The following PDE10A variants were observed in gnomAD, a reference collection of about 807,000 sequenced individuals.
The protein encoded by PDE10A is phosphodiesterase 10A.
In PDE10A, 39 loss-of-function variants were observed where a neutral mutation model predicts 97.7. The observed-to-expected ratio is 0.40, with a 90% CI of 0.31 to 0.52. PDE10A has a LOEUF of 0.52. Among genes scored for constraint, PDE10A ranks in the 20% least tolerant of loss-of-function variants. The pLI is 0.56. For missense variants in PDE10A, 731 were observed against 1,047.8 expected (o/e 0.70, Z 4.17); for synonymous variants, 371 against 376.8 (o/e 0.98, Z 0.18).
In PDE10A at chr6:165,564,416, C is replaced by T. The variant is rs11968002; in HGVS notation, c.866-20848G>A. Among the ~76,000 whole-genome samples, 889 of 150,700 alleles carry T rather than the reference C, an allele frequency of 5.9e-3. 9 individuals are homozygous for T. The highest frequency in any genetic ancestry group is 0.019 in the African/African-American group (763 of 40,172). ...TTTGACAATCTTGGTTAGACAACAA[C>T]GAAATGTTGTTGAAAACATCTTCTT... On this transcript the variant is annotated intron_variant, in intron 1 of 21. Coordinates refer to ENST00000539869, the MANE Select transcript of PDE10A (RefSeq NM_001385079.1).
At chr6:165,758,611 A>T (rs1000195716) in intron 1 of PDE10A, among the ~76,000 whole-genome samples, 6 of 151,652 alleles carry the variant, frequency 4.0e-5, no homozygotes, top group Non-Finnish European at 5.9e-5. Context: ...CAGCAGAAGA[A>T]GCAGCAGAAG....
intron 1 of PDE10A, among the ~76,000 whole-genome samples, chr6:165,675,095 T>A (rs572663684): frequency 2.6e-5 from 4 of 152,330 alleles, no homozygotes; most frequent in African/African-American, 9.6e-5. Flanking sequence ...CGCAATAATT[T>A]AATACTAGAA....
chr6:165,392,514 T>C (rs62443762), intron 16 of PDE10A, 132 bp downstream of exon 16: 13,777 of 692,252 alleles, frequency 0.02, 168 homozygotes, highest in Middle Eastern at 0.079. Flanking sequence ...AAAAATGGGC[T>C]ACTATTGATT....
intron 1 of PDE10A, among the ~76,000 whole-genome samples, chr6:165,552,768 T>C (rs192780966): frequency 1.8e-4 from 28 of 152,274 alleles, no homozygotes; most frequent in Admixed American, 1.5e-3. Flanking sequence ...GTCCTGTGAG[T>C]ACTTCCAGCA....
chr6:165,693,391 C>T (rs569548008), intron 1 of PDE10A, among the ~76,000 whole-genome samples: 17 of 151,772 alleles, frequency 1.1e-4, no homozygotes, highest in Non-Finnish European at 1.8e-4. Flanking sequence ...ATTTGCTGGG[C>T]GTGGTGGTGG....
At chr6:165,413,999 C>T (rs1248506489) in intron 12 of PDE10A, among the ~76,000 whole-genome samples, 7 of 151,850 alleles carry the variant, frequency 4.6e-5, no homozygotes, top group South Asian at 2.1e-4. Flanking sequence ...CAAAAAAAAA[C>T]GTGGATTCAG....
chr6:165,762,621 ATGAAG>A (rs1377903908), intron 1 of PDE10A, among the ~76,000 whole-genome samples: 1 of 152,230 alleles, frequency 6.6e-6, no homozygotes, highest in Non-Finnish European at 1.5e-5. Flanking sequence ...ATCACCACAA[ATGAAG>A]TGAATTATAA....
At chr6:165,654,869 G>A (rs1789858598) in intron 1 of PDE10A, among the ~76,000 whole-genome samples, 1 of 152,128 alleles carries the variant, frequency 6.6e-6, no homozygotes, top group Admixed American at 6.5e-5. Flanking sequence ...TGAACTCCAG[G>A]CCGTGCTACC....
intron 1 of PDE10A, among the ~76,000 whole-genome samples, chr6:165,854,275 G>A (rs1047730219): frequency 6.6e-6 from 1 of 152,160 alleles, no homozygotes; most frequent in Non-Finnish European, 1.5e-5. Context: ...CCCCTGCGCC[G>A]GGTGACGGAG....
chr6:165,637,275 T>C (rs188008965), intron 1 of PDE10A, among the ~76,000 whole-genome samples: 42 of 152,004 alleles, frequency 2.8e-4, no homozygotes, highest in African/African-American at 1.0e-3. Context: ...GCTGAAGCAA[T>C]AAAAAACAAT....
chr6:165,448,346 C>T (rs6930290), intron 5 of PDE10A, among the ~76,000 whole-genome samples: 4,467 of 152,158 alleles, frequency 0.029, 213 homozygotes, highest in African/African-American at 0.1. Context: ...CATTTTCCGG[C>T]GGGCTGTGCT....
intron 1 of PDE10A, among the ~76,000 whole-genome samples, chr6:165,552,981 G>A (rs1222077699): frequency 6.6e-6 from 1 of 152,104 alleles, no homozygotes; most frequent in Non-Finnish European, 1.5e-5. Context: ...GCAAGTACCT[G>A]AGCAAAGGAC....
At chr6:165,493,469 G>C (rs1299407003) in intron 2 of PDE10A, among the ~76,000 whole-genome samples, 1 of 152,040 alleles carries the variant, frequency 6.6e-6, no homozygotes, top group Non-Finnish European at 1.5e-5. Context: ...AAACAGCATG[G>C]TACTGGTATA....
At chr6:165,547,488 T>C (rs1783795385) in intron 1 of PDE10A, among the ~76,000 whole-genome samples, 1 of 150,844 alleles carries the variant, frequency 6.6e-6, no homozygotes, top group African/African-American at 2.5e-5. Flanking sequence ...GAGTGGTACA[T>C]GTAGTGGTTA....
intron 1 of PDE10A, among the ~76,000 whole-genome samples, chr6:165,923,624 T>G (rs1364482090): frequency 6.6e-6 from 1 of 152,232 alleles, no homozygotes; most frequent in South Asian, 2.1e-4. Flanking sequence ...GAGTTTGCAC[T>G]GGCAGCCTTC....
Position 165,819,850 on chromosome 6 carries a change from C to A in PDE10A, c.-615+167679G>T, listed in dbSNP as rs887462354. Among the ~76,000 whole-genome samples, 8 of 152,194 alleles carry A rather than the reference C, an allele frequency of 5.3e-5. No individual in the cohort carries two copies. Among genetic ancestry groups the A allele is most frequent in the African/African-American group, 1.9e-4 (8 of 41,452 alleles). On this transcript the variant is annotated intron_variant, in intron 1 of 19. Coordinates refer to the PDE10A transcript ENST00000366882. This position sits in a 1 kb window ranked among gnomAD's most constrained non-coding sequence, Gnocchi z 4.2. ...ACATGAATGAATGATGGACTGAAAT[C>A]ATCATATTACTACATTGTTGAATGT...
intron 1 of PDE10A, among the ~76,000 whole-genome samples, chr6:165,857,698 C>CGT (rs775208021): frequency 0.25 from 30,162 of 123,098 alleles, 3,243 homozygotes; most frequent in Admixed American, 0.36. Flanking sequence ...TCAACAGTTC[C>CGT]GTGTGTGTGT....
At chr6:165,431,645 C>G (rs1157287756) in intron 7 of PDE10A, among the ~76,000 whole-genome samples, 173 bp from the exon 8 acceptor site, 1 of 148,532 alleles carries the variant, frequency 6.7e-6, no homozygotes, top group Admixed American at 6.7e-5. Context: ...TACACACACA[C>G]ACTACTTGTA....
intron 1 of PDE10A, among the ~76,000 whole-genome samples, chr6:165,702,710 C>T (rs2128444059): frequency 6.6e-6 from 1 of 152,320 alleles, no homozygotes; most frequent in African/African-American, 2.4e-5. Flanking sequence ...ACTCCATGTG[C>T]CTGGCTGCCA....
Sources: gnomAD v4.1 joint callset for allele counts (sites outside exome capture counted in the v4.1 genomes callset) on GRCh38, gnomAD v4.1.1 for gene constraint, Gnocchi (gnomAD v3.1) non-coding constraint, MANE v1.5 for transcripts, NCBI Gene and HGNC (gene_info 2026-07-23, HGNC 2026-07-21) for gene names.